The following DMTN variants were observed in gnomAD, a reference collection of about 807,000 sequenced individuals.
DMTN encodes the protein dematin.
Under a neutral mutation model 59.4 loss-of-function variants are expected in DMTN, and 27 were observed. The observed-to-expected ratio is 0.45, with a 90% confidence interval of 0.33 to 0.63. DMTN has a LOEUF of 0.63. Among genes scored for constraint, DMTN ranks in the 20% least tolerant of loss-of-function variants. The probability of loss-of-function intolerance (pLI) is 0.02; values close to 1 mark genes in which losing one functional copy is unlikely to be tolerated. For missense variants in DMTN, 451 were observed against 528.9 expected, an observed-to-expected ratio of 0.85 and a Z score of 1.45; for synonymous variants, 221 against 203.7, an observed-to-expected ratio of 1.08 and a Z score of -0.72.
upstream of DMTN, among the ~76,000 whole-genome samples, chr8:22,052,938 G>A (rs546126206): frequency 6.6e-6 from 1 of 152,308 alleles, no homozygotes; most frequent in African/African-American, 2.4e-5. Flanking sequence ...CACTTTGCCT[G>A]CAAAGTGTGC....
intron 4 of DMTN, among the ~76,000 whole-genome samples, chr8:22,068,429 G>A (rs6557768): frequency 0.94 from 142,747 of 152,230 alleles, 67,042 homozygotes; most frequent in East Asian, 0.99. Flanking sequence ...TTAGCAAGAT[G>A]TGGTGCTGTG....
At position 22,082,191 on chromosome 8, in the gene DMTN, C is replaced by T. The variant is rs1210654435; in HGVS notation, c.*728C>T. ...GGGCAGAAGCTGGGCCTTCCGCCTCCCTTGGATGGGGTCAAGAGGCCAGGC... is the reference window on the plus strand; with the variant it reads ...GGGCAGAAGCTGGGCCTTCCGCCTCTCTTGGATGGGGTCAAGAGGCCAGGC... On this transcript the variant is annotated 3_prime_UTR_variant, in exon 16 of 16. Coordinates refer to ENST00000358242, the MANE Select transcript of DMTN (RefSeq NM_001387751.1). 8 of 456,800 alleles carry T rather than the reference C, an allele frequency of 1.8e-5. No individual in the cohort carries two copies. Among genetic ancestry groups the T allele is most frequent in the Non-Finnish European group, 3.5e-5 (8 of 227,014 alleles). The allele number at this position is 456,800 out of a possible 1,614,324, so 28.3% of individuals were successfully genotyped here.
intron 10 of DMTN, among the ~76,000 whole-genome samples, chr8:22,078,358 CTG>C (rs200071810): frequency 0.034 from 5,153 of 149,978 alleles, 91 homozygotes; most frequent in African/African-American, 0.05. Flanking sequence ...GAGTGAGACT[CTG>C]TATCAAAAAA....
At chr8:22,061,772 G>T (rs1404386461) in intron 1 of DMTN, among the ~76,000 whole-genome samples, 2 of 117,116 alleles carry the variant, frequency 1.7e-5, no homozygotes, top group African/African-American at 3.9e-5. Flanking sequence ...TTTTTTTTTG[G>T]AGACAGAATC....
intron 1 of DMTN, among the ~76,000 whole-genome samples, chr8:22,061,432 C>A (rs2130585211): frequency 6.6e-6 from 1 of 152,314 alleles, no homozygotes; most frequent in South Asian, 2.1e-4. Flanking sequence ...AGTGCCTGTG[C>A]CTCTGGCACG....
At chr8:22,067,040 G>A (rs750243795) in intron 2 of DMTN, 45 bp from the exon 3 acceptor site, 4 of 990,244 alleles carry the variant, frequency 4.0e-6, no homozygotes, top group Admixed American at 2.4e-5. Context: ...CCCCGCTCCC[G>A]CACACACGCA....
chr8:22,067,227 C>T (rs540994013), intron 3 of DMTN, 68 bp downstream of exon 3: 2 of 1,534,528 alleles, frequency 1.3e-6, no homozygotes, highest in East Asian at 2.3e-5. Context: ...CCCCTGGCTG[C>T]TAGCGTGCCT....
rs1484455868 is a variant in DMTN at position 22,082,204 on chromosome 8, C to G, written c.*741C>G. On this transcript the variant is annotated 3_prime_UTR_variant, in exon 16 of 16. Coordinates refer to ENST00000358242, the MANE Select transcript of DMTN (RefSeq NM_001387751.1). ...GCCTTCCGCCTCCCTTGGATGGGGT[C>G]AAGAGGCCAGGCCTGGCACATTTTG... is the stretch of plus-strand genomic sequence containing the variant. 4.4e-6 allele frequency: 2 copies of G among 456,840 alleles called. No homozygotes were observed. The highest frequency in any genetic ancestry group is 8.8e-6 in the Non-Finnish European group (2 of 227,044). The allele number at this position is 456,840 out of a possible 1,614,324, so 28.3% of individuals were successfully genotyped here. A position where few individuals can be genotyped will look rare whatever the true frequency, so the allele number is the denominator to read the frequency against.
At chr8:22,080,346 C>A (rs1343786438) in intron 11 of DMTN, 66 bp from the exon 12 acceptor site, 16 of 1,613,468 alleles carry the variant, frequency 9.9e-6, no homozygotes, top group South Asian at 5.5e-5. Flanking sequence ...CGGGGAGACC[C>A]CCAAAGTGAA....
At position 22,081,103 on chromosome 8, in the gene DMTN, C is replaced by A. The variant is rs1158822904; in HGVS notation, c.1024-10C>A. 5.9e-6 allele frequency: 5 copies of A among 845,184 alleles called. No individual in the cohort carries two copies. The highest frequency in any genetic ancestry group is 1.3e-5 in the South Asian group (1 of 76,128). The allele number at this position is 845,184 out of a possible 1,614,324, so 52.4% of individuals were successfully genotyped here. ...TGTGAGCCTAAGATTGCCCCTCCCC[C>A]CACCCCCAGATCTATCCCTATGAAA... On this transcript the variant is annotated splice_polypyrimidine_tract_variant and intron_variant, in intron 14 of 15. Transcript: ENST00000358242.
rs1805562840 is a variant in DMTN at position 22,060,458 on chromosome 8, C to T, written c.-172+3322C>T. Among the ~76,000 whole-genome samples, 1 of 152,202 alleles carries T rather than the reference C, an allele frequency of 6.6e-6. No homozygotes were observed. Among genetic ancestry groups the T allele is most frequent in the Non-Finnish European group, 1.5e-5 (1 of 68,036 alleles). On this transcript the variant is annotated intron_variant, in intron 1 of 15. Transcript: ENST00000358242. This position sits in a 1 kb window ranked among gnomAD's most constrained non-coding sequence, Gnocchi z 5.0. Reference sequence around the variant, plus strand: ...CCCCTCACACATGCGCACGCACACACACATATACACACACTCTTCTCCACC... The same window carrying T: ...CCCCTCACACATGCGCACGCACACATACATATACACACACTCTTCTCCACC...
At chr8:22,065,724 A>G (rs1810044298) in intron 1 of DMTN, among the ~76,000 whole-genome samples, 1 of 150,844 alleles carries the variant, frequency 6.6e-6, no homozygotes, top group Non-Finnish European at 1.5e-5. Context: ...AATTCCAGCT[A>G]CTCGGGAGGC....
At chr8:22,065,082 A>AT (rs1241737108) in intron 1 of DMTN, among the ~76,000 whole-genome samples, 2 of 152,204 alleles carry the variant, frequency 1.3e-5, no homozygotes, top group Non-Finnish European at 2.9e-5. Context: ...CCACGCTGGA[A>AT]TACAGTGGTG....
chr8:22,070,016 G>C, intron 7 of DMTN, 79 bp downstream of exon 7: 1 of 1,588,248 alleles, frequency 6.3e-7, no homozygotes, highest in Non-Finnish European at 8.6e-7. Flanking sequence ...CGGGCTGGCT[G>C]GAGGGGGTCG....
rs1194883098 is a variant in DMTN, at chr8:22,072,384, GGAA to G, written c.666_668del (p.Glu222del). ...GGGGAGCAGAGGAAGAGGAGGAGGA[GGAA>G]GATGACGACTCTGGAGAGGAGATGA... On this transcript the variant is annotated inframe_deletion, in exon 9 of 16. Transcript: ENST00000358242. 2.4e-5 allele frequency: 39 copies of G among 1,601,548 alleles called. No homozygotes were observed. The highest frequency in any genetic ancestry group is 3.0e-5 in the Non-Finnish European group (35 of 1,173,334).
intron 10 of DMTN, 74 bp from the exon 11 acceptor site, chr8:22,080,106 C>T: frequency 1.3e-6 from 2 of 1,561,504 alleles, no homozygotes; most frequent in Non-Finnish European, 1.8e-6. Context: ...TGTGGAAGGC[C>T]AGTGAGGTTG....
intron 1 of DMTN, among the ~76,000 whole-genome samples, chr8:22,063,497 C>T (rs1808152957): frequency 1.3e-5 from 2 of 152,206 alleles, no homozygotes; most frequent in Non-Finnish European, 1.5e-5. Flanking sequence ...CAGATTACGA[C>T]CTAACCCTAG....
Position 22,079,269 on chromosome 8 carries a change from A to ATATAT in DMTN, c.836-911_836-910insTATAT, listed in dbSNP as rs1554562269. On this transcript the variant is annotated intron_variant, in intron 10 of 15. Transcript: ENST00000358242. The stretch of plus-strand genomic sequence containing the variant: ...TACAAAAAATAAAAATAAATAAATA[A>ATATAT]ATAAATAAATATATATATATATATA... 4.6e-3 allele frequency among the ~76,000 whole-genome samples: 97 copies of ATATAT among 21,160 alleles called. 1 individual carries two copies. Among genetic ancestry groups the ATATAT allele is most frequent in the African/African-American group, 0.016 (93 of 5,932 alleles). The allele number at this position is 21,160 out of a possible 152,430, so 13.9% of individuals were successfully genotyped here. A position where few individuals can be genotyped will look rare whatever the true frequency, so the allele number is the denominator to read the frequency against.
chr8:22,081,511 G>A lies in DMTN; in HGVS notation c.*48G>A. On this transcript the variant is annotated 3_prime_UTR_variant, in exon 16 of 16. Transcript: ENST00000358242. ...GGCCCCCTTACCCCTGCTGCTTCAG[G>A]GTTTTTCCCCGGCGGGTTGGGAGGG... The A allele has an allele frequency of 6.4e-7, 1 of 1,566,292 alleles. No individual in the cohort carries two copies. Among genetic ancestry groups the A allele is most frequent in the Non-Finnish European group, 8.8e-7 (1 of 1,137,278 alleles).
Sources: gnomAD v4.1 joint callset for allele counts (sites outside exome capture counted in the v4.1 genomes callset) on GRCh38, gnomAD v4.1.1 for gene constraint, Gnocchi (gnomAD v3.1) non-coding constraint, MANE v1.5 for transcripts, NCBI Gene and HGNC (gene_info 2026-07-23, HGNC 2026-07-21) for gene names.